Variants in ETV4 observed in about 807,000 individuals in gnomAD.
The protein encoded by ETV4 is ETS translocation variant 4.
In ETV4, 42 loss-of-function variants were observed where a neutral mutation model predicts 65.9. The observed-to-expected ratio is 0.64, with a 90% CI of 0.50 to 0.82. The LOEUF is 0.82. Ranked by LOEUF, ETV4 falls within the 40% of genes least tolerant of loss-of-function variation. The pLI is 0.00. For synonymous variants in ETV4, 238 were observed against 260.0 expected, an observed-to-expected ratio of 0.92 and a Z score of 0.81; for missense variants, 583 against 630.3, an observed-to-expected ratio of 0.92 and a Z score of 0.80.
intron 7 of ETV4, 90 bp from the exon 8 acceptor site, chr17:43,533,029 C>A (rs545832448): frequency 6.6e-7 from 1 of 1,510,082 alleles, no homozygotes; most frequent in Non-Finnish European, 8.9e-7. Flanking sequence ...AGAGTGGGCT[C>A]CGGAATGGGG....
Position 43,545,276 on chromosome 17 carries a change from TC to T in ETV4, c.151del (p.Glu51LysfsTer7). The T allele has an allele frequency of 6.2e-7, 1 of 1,601,964 alleles. No homozygotes were observed. The highest frequency in any genetic ancestry group is 1.3e-5 in the African/African-American group (1 of 74,124). On this transcript the variant is annotated frameshift_variant, in exon 3 of 13. Transcript: ENST00000319349. LOFTEE classifies it high-confidence loss of function. ...DPGSLPPLDSEDLFQDLSHFQ... is the reference protein window; with the variant it reads ...DPGSLPPLDSXDLFQDLSHFQ... The stretch of plus-strand genomic sequence containing the variant: ...GGTTTGTCTCTCTTGCTCTTTACCT[TC>T]AGAGTCGAGGGGCGGCAGGGAGCCC...
At chr17:43,533,781 C>G in intron 6 of ETV4, 78 bp downstream of exon 6, 1 of 1,555,766 alleles carries the variant, frequency 6.4e-7, no homozygotes, top group Non-Finnish European at 8.7e-7. Context: ...CAGCTGCTGC[C>G]TCTGCTCATG....
intron 5 of ETV4, among the ~76,000 whole-genome samples, chr17:43,534,429 G>A (rs917572714): frequency 2.0e-5 from 3 of 152,190 alleles, no homozygotes; most frequent in Admixed American, 2.0e-4. Flanking sequence ...AGGAGGCGGG[G>A]ATTGCAGTGA....
At position 43,528,736 on chromosome 17, in the gene ETV4, C is replaced by A; in HGVS notation, c.1238G>T (p.Gly413Val). The A allele has an allele frequency of 3.7e-6, 6 of 1,613,970 alleles. No homozygotes were observed. Among genetic ancestry groups the A allele is most frequent in the Non-Finnish European group, 5.1e-6 (6 of 1,179,870 alleles). ...CACAAACTTGTACACGTAACGCTCA[C>A]CAGCCACCTATGGGGAGAGAGAAGG... ...YEKGIMQKVAGERYVYKFVCE... is the reference protein window; with the variant it reads ...YEKGIMQKVAVERYVYKFVCE... Residue 413 changes from glycine (G) to valine (V), a missense_variant, in exon 13 of 13, where the codon GGT (glycine) becomes GTT (valine). Transcript: ENST00000319349.
At chr17:43,530,078 G>T (rs1232239423) in intron 9 of ETV4, 29 bp downstream of exon 9, 3 of 1,609,748 alleles carry the variant, frequency 1.9e-6, no homozygotes, top group East Asian at 2.2e-5. Flanking sequence ...AACATGGAGG[G>T]CTTGGCAGGG....
chr17:43,530,169 C>T lies in ETV4; in HGVS notation c.824G>A (p.Cys275Tyr), dbSNP rs971572480. The T allele has an allele frequency of 4.5e-6, 7 of 1,555,832 alleles. No individual in the cohort carries two copies. Among genetic ancestry groups the T allele is most frequent in the Admixed American group, 2.0e-5 (1 of 51,126 alleles). ...CTCTGTGTGGAGGTACATTGATGCG[C>T]ACCCGGTGACATCTGTGGGGGAAGA... ...DFAYDSDVTG[C>Y]ASMYLHTEGF... The change falls in exon 9 of 13, where the codon TGC becomes TAC. Residue 275 changes from cysteine to tyrosine, a missense_variant. Cys to Tyr is a radical substitution (Grantham distance 194). Transcript: ENST00000319349.
chr17:43,544,876 G>T, intron 4 of ETV4, 99 bp downstream of exon 4: 2 of 1,148,718 alleles, frequency 1.7e-6, no homozygotes, highest in Non-Finnish European at 2.6e-6. Context: ...AGGCAGGGAA[G>T]GGAGAGGAGA....
chr17:43,532,716 C>A lies in ETV4; in HGVS notation c.769G>T (p.Val257Leu), dbSNP rs1274952271. Residue 257 changes from valine (V) to leucine (L), a missense_variant, in exon 8 of 13, where the codon GTG (valine) becomes TTG (leucine). By Grantham distance (32) the Val-to-Leu change is conservative (BLOSUM62 1). Coordinates refer to ENST00000319349, the MANE Select transcript of ETV4 (RefSeq NM_001079675.5). ...VNGHRYPGAGVVIKQEQTDFA... is the reference protein window; with the variant it reads ...VNGHRYPGAGLVIKQEQTDFA... ...TCCGTCTGTTCCTGTTTGATCACCA[C>A]CCCCGCCCCTGGGTACCTGTGCCCA... is the stretch of plus-strand genomic sequence containing the variant. The A allele has an allele frequency of 6.2e-7, 1 of 1,613,870 alleles. No individual in the cohort carries two copies. The highest frequency in any genetic ancestry group is 8.5e-7 in the Non-Finnish European group (1 of 1,179,886).
At chr17:43,540,964 G>T (rs1013237798) in intron 4 of ETV4, among the ~76,000 whole-genome samples, 1 of 152,140 alleles carries the variant, frequency 6.6e-6, no homozygotes, top group Admixed American at 6.5e-5. Flanking sequence ...TGGGCTGGGG[G>T]TATCTCTTGC....
chr17:43,545,338 TTCGCGC>T lies in ETV4; in HGVS notation c.84_89del (p.Arg29_Glu30del), dbSNP rs776249777. On this transcript the variant is annotated inframe_deletion, in exon 3 of 13. Transcript: ENST00000319349. The stretch of plus-strand genomic sequence containing the variant: ...GCTTCCCCAGCGGGCCGATCAGCGC[TTCGCGC>T]AAGCTCCCATTTCCGGGCGATTTCT... 3.5e-5 allele frequency: 56 copies of T among 1,606,690 alleles called. No individual in the cohort carries two copies. Among genetic ancestry groups the T allele is most frequent in the Non-Finnish European group, 4.3e-5 (51 of 1,176,574 alleles).
chr17:43,529,779 T>G, intron 10 of ETV4, 103 bp from the exon 11 acceptor site: 2 of 1,597,184 alleles, frequency 1.3e-6, no homozygotes, highest in Non-Finnish European at 1.7e-6. Flanking sequence ...CCCAGGTACT[T>G]TTCTATGGGT....
intron 8 of ETV4, among the ~76,000 whole-genome samples, chr17:43,532,174 CTT>C: frequency 6.6e-6 from 1 of 152,154 alleles, no homozygotes; most frequent in Non-Finnish European, 1.5e-5. Flanking sequence ...CCCCCCTTAT[CTT>C]TTAATCTGAA....
chr17:43,530,605 C>CGT (rs1491056166), intron 8 of ETV4, among the ~76,000 whole-genome samples: 3 of 45,534 alleles, frequency 6.6e-5, no homozygotes, highest in African/African-American at 2.4e-4. Context: ...CCTGTGCACG[C>CGT]GCGCGTGTGT....
intron 5 of ETV4, 127 bp downstream of exon 5, chr17:43,536,299 G>T: frequency 1.2e-6 from 1 of 814,954 alleles, no homozygotes; most frequent in Non-Finnish European, 2.1e-6. Context: ...TATTGCCTTG[G>T]TCTTTAAGAT....
rs1296759343 is a variant in ETV4, at chr17:43,546,257, G to C, written c.-124C>G. Reference sequence around the variant, plus strand: ...CCCTGGAGCCCGCACCGAGGGCCGCGGGGCTAGGCCGGAGTAAGGCGGCCC... The same window carrying C: ...CCCTGGAGCCCGCACCGAGGGCCGCCGGGCTAGGCCGGAGTAAGGCGGCCC... On this transcript the variant is annotated 5_prime_UTR_variant, in exon 1 of 13. Coordinates refer to ENST00000319349, the MANE Select transcript of ETV4 (RefSeq NM_001079675.5). 3 of 152,352 alleles carry C rather than the reference G, an allele frequency of 2.0e-5. No individual in the cohort carries two copies. Among genetic ancestry groups the C allele is most frequent in the Non-Finnish European group, 4.4e-5 (3 of 68,328 alleles). The allele number at this position is 152,352 out of a possible 1,614,324, so 9.4% of individuals were successfully genotyped here.
rs763981798 is a variant in ETV4, at chr17:43,529,145, A to T, written c.1220T>A (p.Ile407Asn). 2.5e-6 allele frequency: 4 copies of T among 1,613,762 alleles called. No individual in the cohort carries two copies. Among genetic ancestry groups the T allele is most frequent in the Non-Finnish European group, 3.4e-6 (4 of 1,179,998 alleles). ...ACCCACAGCCCCCACCTTCTGCATG[A>T]TGCCTTTCTCATAATAGTATCGGAG... is the stretch of plus-strand genomic sequence containing the variant. ...RSLRYYYEKGIMQKVAGERYV... is the reference protein window; with the variant it reads ...RSLRYYYEKGNMQKVAGERYV... The change falls in exon 12 of 13, where the codon ATC becomes AAC. Residue 407 changes from isoleucine to asparagine, a missense_variant. Physicochemically the swap from Ile to Asn is moderately radical, Grantham distance 149. Transcript: ENST00000319349.
Position 43,528,645 on chromosome 17 carries a change from C to T in ETV4, c.1329G>A (p.Glu443=). The T allele has an allele frequency of 6.2e-7, 1 of 1,614,198 alleles. No individual in the cohort carries two copies. The highest frequency in any genetic ancestry group is 1.3e-5 in the African/African-American group (1 of 75,064). Reference sequence around the variant, plus strand: ...CCTCCTCACTGACAGGCCGGTCAAACTCAGCCTTGAGAGCTGGACGCTGAT... The same window carrying T: ...CCTCCTCACTGACAGGCCGGTCAAATTCAGCCTTGAGAGCTGGACGCTGAT... ...PDNQRPALKA[E]FDRPVSEEDT... Residue 443 remains glutamate, a synonymous_variant, in exon 13 of 13, where the codon GAG becomes GAA. Transcript: ENST00000319349.
chr17:43,528,008 TTTC>T lies in ETV4; in HGVS notation c.*508_*510del, dbSNP rs1274298940. The T allele has an allele frequency of 4.3e-6, 1 of 234,272 alleles. No individual in the cohort carries two copies. Among genetic ancestry groups the T allele is most frequent in the African/African-American group, 2.2e-5 (1 of 45,358 alleles). 14.5% of individuals were successfully genotyped at this position (234,272 alleles called of 1,614,324 possible). On this transcript the variant is annotated 3_prime_UTR_variant, in exon 13 of 13. Coordinates refer to ENST00000319349, the MANE Select transcript of ETV4 (RefSeq NM_001079675.5). Reference sequence around the variant, plus strand: ...CCCAGCACCCCTCATCCCAGGTTCCTTTCTTCAACCTCCGCCTGCCTCTGGGAA... The same window carrying T: ...CCCAGCACCCCTCATCCCAGGTTCCTTTCAACCTCCGCCTGCCTCTGGGAA...
chr17:43,545,934 CGTGTGTGTGTGTGT>C (rs531139204), intron 1 of ETV4: 56 of 263,352 alleles, frequency 2.1e-4, no homozygotes, highest in South Asian at 9.3e-4. Flanking sequence ...TACATAAGAA[CGTGTGTGTGTGTGT>C]GTGTGTGTGT....
Sources: gnomAD v4.1 joint callset for allele counts (sites outside exome capture counted in the v4.1 genomes callset) on GRCh38, gnomAD v4.1.1 for gene constraint, MANE v1.5 for transcripts, NCBI Gene and HGNC (gene_info 2026-07-23, HGNC 2026-07-21) for gene names.